Variants in HMGCS1 observed in about 807,000 individuals in gnomAD.
HMGCS1 encodes hydroxymethylglutaryl-CoA synthase, cytoplasmic.
In HMGCS1, 9 loss-of-function variants were observed where a neutral mutation model predicts 52.3. The observed-to-expected ratio is 0.17, with a 90% CI of 0.10 to 0.30. The LOEUF is 0.30. HMGCS1 is among the 10% of genes least tolerant of loss of function. The probability of loss-of-function intolerance (pLI) is 1.00; values close to 1 mark genes in which losing one functional copy is unlikely to be tolerated. For synonymous variants in HMGCS1, 176 were observed against 214.4 expected (o/e 0.82, Z 1.57); for missense variants, 320 against 620.9 (o/e 0.52, Z 5.15).
chr5:43,293,896 T>C, intron 8 of HMGCS1, 160 bp downstream of exon 8: 1 of 532,988 alleles, frequency 1.9e-6, no homozygotes, highest in Non-Finnish European at 3.4e-6. Flanking sequence ...GTATTTTTAG[T>C]AGAGATGGGG....
At position 43,297,005 on chromosome 5, in the gene HMGCS1, T is replaced by C; in HGVS notation, c.736A>G (p.Lys246Glu). The part of the protein sequence containing the change: ...YCKKIHAQWQ[K>E]EGNDKDFTLN... ...AAGGAAAATGGGTAAAACTTACCTT[T>C]CTGCCACTGGGCATGGATCTTTTTG... The change falls in exon 5 of 11, where the codon AAA becomes GAA. Residue 246 changes from lysine (K) to glutamate (E), a missense_variant. Lys to Glu is a moderately conservative substitution (Grantham distance 56). Coordinates refer to ENST00000325110, the MANE Select transcript of HMGCS1 (RefSeq NM_001098272.3). The C allele has an allele frequency of 6.2e-7, 1 of 1,613,652 alleles. No homozygotes were observed. Among genetic ancestry groups the C allele is most frequent in the Non-Finnish European group, 8.5e-7 (1 of 1,179,766 alleles).
At chr5:43,306,259 G>C (rs1754570754) in intron 2 of HMGCS1, among the ~76,000 whole-genome samples, 1 of 152,108 alleles carries the variant, frequency 6.6e-6, no homozygotes, top group Non-Finnish European at 1.5e-5. Flanking sequence ...GACCTATATA[G>C]TTATTCTGAG....
Position 43,289,549 on chromosome 5 carries a change from CT to C in HMGCS1, c.*1581del, listed in dbSNP as rs1451526411. ...CCTGGCACCCAAAAGTTAAATTACT[CT>C]TTTCAAAACATACCGATCTCCCCAA... is the stretch of plus-strand genomic sequence containing the variant. On this transcript the variant is annotated 3_prime_UTR_variant, in exon 11 of 11. Coordinates refer to ENST00000325110, the MANE Select transcript of HMGCS1 (RefSeq NM_001098272.3). 6.6e-6 allele frequency: 1 copy of C among 152,550 alleles called. No individual in the cohort carries two copies. The highest frequency in any genetic ancestry group is 1.5e-5 in the Non-Finnish European group (1 of 68,020). The allele number at this position is 152,550 out of a possible 1,614,324, so 9.4% of individuals were successfully genotyped here.
At position 43,289,855 on chromosome 5, in the gene HMGCS1, G is replaced by A. The variant is rs1753658434; in HGVS notation, c.*1276C>T. 6.6e-6 allele frequency: 1 copy of A among 152,386 alleles called. No homozygotes were observed. The allele number at this position is 152,386 out of a possible 1,614,324, so 9.4% of individuals were successfully genotyped here. On this transcript the variant is annotated 3_prime_UTR_variant, in exon 11 of 11. Transcript: ENST00000325110. ...CAGCAAATAAAGTTTAAAAAATTTAGTTCTGTACATTAGTTCCAACTATCC... is the reference window on the plus strand; with the variant it reads ...CAGCAAATAAAGTTTAAAAAATTTAATTCTGTACATTAGTTCCAACTATCC...
chr5:43,305,421 T>C (rs560314218), intron 2 of HMGCS1, among the ~76,000 whole-genome samples: 2 of 152,332 alleles, frequency 1.3e-5, no homozygotes, highest in South Asian at 2.1e-4. Context: ...GCTCACATTA[T>C]GGTATTCACT....
chr5:43,299,498 G>A (rs2330150), intron 2 of HMGCS1, among the ~76,000 whole-genome samples: 85,094 of 151,244 alleles, frequency 0.56, 24,423 homozygotes, highest in Middle Eastern at 0.72. Context: ...AAATACAAAA[G>A]AATTAGCCGG....
chr5:43,294,963 T>A, intron 6 of HMGCS1, 102 bp from the exon 7 acceptor site: 2 of 692,022 alleles, frequency 2.9e-6, no homozygotes. Flanking sequence ...TGTATATAAT[T>A]GTTTTCTCAT....
At chr5:43,305,782 A>C (rs1579663324) in intron 2 of HMGCS1, among the ~76,000 whole-genome samples, 1 of 2,002 alleles carries the variant, frequency 5.0e-4, no homozygotes, top group Non-Finnish European at 8.5e-4. Context: ...ACTCCGTCTC[A>C]AAAAAAAAAA....
At position 43,291,117 on chromosome 5, in the gene HMGCS1, C is replaced by A. The variant is rs375488662; in HGVS notation, c.*14G>T. On this transcript the variant is annotated 3_prime_UTR_variant, in exon 11 of 11. Transcript: ENST00000325110. ...GCCCACCCCACCCTGAAGTCTTGCA[C>A]CTCACAGAGTATCTTAATGTTCCCC... is the stretch of plus-strand genomic sequence containing the variant. 1.6e-6 allele frequency: 2 copies of A among 1,251,242 alleles called. No individual in the cohort carries two copies. Among genetic ancestry groups the A allele is most frequent in the East Asian group, 5.3e-5 (2 of 37,714 alleles). The allele number at this position is 1,251,242 out of a possible 1,614,324, so 77.5% of individuals were successfully genotyped here.
chr5:43,294,282 T>C, intron 7 of HMGCS1, 120 bp from the exon 8 acceptor site: 3 of 655,586 alleles, frequency 4.6e-6, no homozygotes, highest in Non-Finnish European at 8.2e-6. Flanking sequence ...TAACTTAAAG[T>C]TTTAAGGATC....
rs1189021295 is a variant in HMGCS1 at position 43,289,003 on chromosome 5, T to C, written c.*2128A>G. 1.3e-5 allele frequency: 2 copies of C among 152,204 alleles called. No individual in the cohort carries two copies. Among genetic ancestry groups the C allele is most frequent in the African/African-American group, 2.4e-5 (1 of 41,448 alleles). 9.4% of individuals were successfully genotyped at this position (152,204 alleles called of 1,614,324 possible). A position where few individuals can be genotyped will look rare whatever the true frequency, so the allele number is the denominator to read the frequency against. Reference sequence around the variant, plus strand: ...GTTCTACGTTCACCACTAAATTTGCTCTTATTTGATTGCCAGCCCTTAGTC... The same window carrying C: ...GTTCTACGTTCACCACTAAATTTGCCCTTATTTGATTGCCAGCCCTTAGTC... On this transcript the variant is annotated 3_prime_UTR_variant, in exon 11 of 11. Transcript: ENST00000325110.
At chr5:43,294,307 A>T in intron 7 of HMGCS1, 145 bp from the exon 8 acceptor site, 1 of 608,982 alleles carries the variant, frequency 1.6e-6, no homozygotes, top group Non-Finnish European at 2.9e-6. Context: ...TCAAAGTGTT[A>T]ATATTGCAGT....
intron 2 of HMGCS1, among the ~76,000 whole-genome samples, chr5:43,304,423 C>T (rs1289719886): frequency 2.6e-5 from 4 of 152,218 alleles, no homozygotes; most frequent in Admixed American, 2.0e-4. Context: ...CTTGTACTCA[C>T]TAATAAATTC....
At position 43,294,782 on chromosome 5, in the gene HMGCS1, G is replaced by T; in HGVS notation, c.985C>A (p.Gln329Lys). 1 of 1,611,516 alleles carries T rather than the reference G, an allele frequency of 6.2e-7. No individual in the cohort carries two copies. The highest frequency in any genetic ancestry group is 1.1e-5 in the South Asian group (1 of 91,040). ...ACAAGTAAAGATGCCTTTGTTTTCT[G>T]ACTGAAGAGTTCAGAGCTAGCCTTC... is the stretch of plus-strand genomic sequence containing the variant. ...FMKASSELFS[Q>K]KTKASLLVSN... is the part of the protein sequence containing the mutation. Residue 329 changes from glutamine to lysine, a missense_variant, in exon 7 of 11, where the codon CAG (glutamine) becomes AAG (lysine). Transcript: ENST00000325110.
intron 1 of HMGCS1, 191 bp downstream of exon 1, chr5:43,313,144 ATCCGCTACGGTCGGCCTCAGG>A (rs1406700325): frequency 6.6e-6 from 1 of 152,298 alleles, no homozygotes; most frequent in East Asian, 1.9e-4. Context: ...ATCTTCTCAG[ATCCGCTACGGTCGGCCTCAGG>A]TCCCTCACGA....
intron 1 of HMGCS1, among the ~76,000 whole-genome samples, chr5:43,309,575 G>T (rs1174165546): frequency 6.6e-6 from 1 of 152,168 alleles, no homozygotes; most frequent in Admixed American, 6.5e-5. Flanking sequence ...ATTGGAGAGG[G>T]ATGTTAGGTG....
chr5:43,295,957 G>A, intron 5 of HMGCS1, 40 bp from the exon 6 acceptor site: 3 of 1,497,042 alleles, frequency 2.0e-6, no homozygotes, highest in East Asian at 4.5e-5. Context: ...ATTCATATAA[G>A]CCATGAAATT....
rs76409003 is a variant in HMGCS1 at position 43,301,099 on chromosome 5, G to C, written c.-10-2124C>G. Among the ~76,000 whole-genome samples, 844 of 152,300 alleles carry C rather than the reference G, an allele frequency of 5.5e-3. 7 individuals carry two copies. Among genetic ancestry groups the C allele is most frequent in the African/African-American group, 0.019 (787 of 41,574 alleles). On this transcript the variant is annotated intron_variant, in intron 2 of 10. Coordinates refer to ENST00000325110, the MANE Select transcript of HMGCS1 (RefSeq NM_001098272.3). Reference sequence around the variant, plus strand: ...AAGGAGTGTTAGGAAAAGCATCCTGGTTATAGGGGCCTGACTTGAGCCCCA... The same window carrying C: ...AAGGAGTGTTAGGAAAAGCATCCTGCTTATAGGGGCCTGACTTGAGCCCCA...
chr5:43,299,058 A>AAG (rs1428756203), intron 2 of HMGCS1, 83 bp from the exon 3 acceptor site: 36 of 1,001,350 alleles, frequency 3.6e-5, no homozygotes, highest in Non-Finnish European at 4.9e-5. Context: ...AATAGATATT[A>AAG]AGAGTTTAGC....
Sources: gnomAD v4.1 joint callset for allele counts (sites outside exome capture counted in the v4.1 genomes callset) on GRCh38, gnomAD v4.1.1 for gene constraint, MANE v1.5 for transcripts, NCBI Gene and HGNC (gene_info 2026-07-23, HGNC 2026-07-21) for gene names.